Variants in TBC1D32 observed in about 807,000 individuals in gnomAD.
TBC1D32 encodes protein broad-minded.
Under a neutral mutation model 170.3 loss-of-function variants are expected in TBC1D32, and 151 were observed. That is an observed-to-expected ratio of 0.89 (90% CI 0.78 to 1.01). The LOEUF is 1.01. Among genes scored for constraint, TBC1D32 ranks in the 50% least tolerant of loss-of-function variants. The probability of loss-of-function intolerance (pLI) is 0.00; values close to 1 mark genes in which losing one functional copy is unlikely to be tolerated. For synonymous variants in TBC1D32, 498 were observed against 488.0 expected (o/e 1.02, Z -0.27); for missense variants, 1,464 against 1,457.1 (o/e 1.00, Z -0.08).
At chr6:121,150,040 C>T (rs534054454) in intron 24 of TBC1D32, among the ~76,000 whole-genome samples, 8 of 152,120 alleles carry the variant, frequency 5.3e-5, no homozygotes, top group Admixed American at 2.0e-4. Context: ...GCCAAAACTT[C>T]CAACACTATG....
intron 18 of TBC1D32, 142 bp from the exon 19 acceptor site, chr6:121,241,694 A>G: frequency 1.4e-6 from 1 of 731,764 alleles, no homozygotes; most frequent in Non-Finnish European, 2.3e-6. Context: ...AAAAGCCCAA[A>G]AGTCTAGGGA....
At chr6:121,193,980 C>A (rs369427453) in intron 22 of TBC1D32, among the ~76,000 whole-genome samples, 7 of 152,006 alleles carry the variant, frequency 4.6e-5, no homozygotes, top group African/African-American at 1.7e-4. Flanking sequence ...AAGAGACCTT[C>A]AGCTTTGTAC....
chr6:121,269,168 G>A (rs567843420), intron 15 of TBC1D32, among the ~76,000 whole-genome samples: 2 of 152,140 alleles, frequency 1.3e-5, no homozygotes, highest in Non-Finnish European at 2.9e-5. Flanking sequence ...ATGCCAACTT[G>A]TACAGACCAT....
chr6:121,318,272 T>C (rs1427745443), intron 2 of TBC1D32, among the ~76,000 whole-genome samples: 1 of 151,810 alleles, frequency 6.6e-6, no homozygotes, highest in African/African-American at 2.4e-5. Flanking sequence ...TCATTAGGAG[T>C]GTGAATTGGA....
chr6:121,293,416 G>C (rs985731719), intron 11 of TBC1D32, among the ~76,000 whole-genome samples: 1 of 152,042 alleles, frequency 6.6e-6, no homozygotes, highest in Non-Finnish European at 1.5e-5. Context: ...CATCTCCCTT[G>C]CTTTGAGTTA....
At chr6:121,261,583 C>T (rs1220378718) in intron 15 of TBC1D32, among the ~76,000 whole-genome samples, 1 of 152,158 alleles carries the variant, frequency 6.6e-6, no homozygotes, top group Non-Finnish European at 1.5e-5. Context: ...GCTACAACAA[C>T]AGCATCAACT....
intron 15 of TBC1D32, among the ~76,000 whole-genome samples, chr6:121,256,793 C>T (rs1324016778): frequency 6.6e-6 from 1 of 151,900 alleles, no homozygotes; most frequent in Non-Finnish European, 1.5e-5. Flanking sequence ...CCTCAGCCTC[C>T]TGAGTAGCTG....
intron 24 of TBC1D32, among the ~76,000 whole-genome samples, chr6:121,143,363 T>C (rs1783039669): frequency 2.0e-5 from 3 of 152,104 alleles, no homozygotes; most frequent in Admixed American, 1.3e-4. Context: ...AGAAAAACAA[T>C]TGAACCAGAT....
intron 21 of TBC1D32, among the ~76,000 whole-genome samples, chr6:121,211,297 T>C (rs1288857587): frequency 6.6e-6 from 1 of 151,968 alleles, no homozygotes; most frequent in East Asian, 1.9e-4. Context: ...GGAAAGAAAA[T>C]ATGGATTTTT....
At chr6:121,200,400 C>T (rs898395353) in intron 22 of TBC1D32, among the ~76,000 whole-genome samples, 2 of 151,250 alleles carry the variant, frequency 1.3e-5, no homozygotes, top group African/African-American at 4.9e-5. Flanking sequence ...TGTTTCCCCA[C>T]GATATTTACA....
chr6:121,162,966 G>T (rs374846698), intron 22 of TBC1D32: 1 of 96,498 alleles, frequency 1.0e-5, no homozygotes, highest in African/African-American at 3.6e-5. Context: ...GGTGACGGAC[G>T]CACCTGGAAA....
chr6:121,282,283 C>T (rs1803127674), intron 13 of TBC1D32, among the ~76,000 whole-genome samples: 1 of 151,528 alleles, frequency 6.6e-6, no homozygotes, highest in South Asian at 2.1e-4. Flanking sequence ...AAAAGTTTAA[C>T]ATGGTTGGAA....
chr6:121,330,140 C>T (rs1022958451), intron 1 of TBC1D32, among the ~76,000 whole-genome samples: 2 of 152,066 alleles, frequency 1.3e-5, no homozygotes, highest in Non-Finnish European at 2.9e-5. Flanking sequence ...CACAAGAGAT[C>T]CTCCCACCTC....
chr6:121,143,742 T>C (rs1486415789), intron 24 of TBC1D32, among the ~76,000 whole-genome samples: 1 of 152,184 alleles, frequency 6.6e-6, no homozygotes, highest in Non-Finnish European at 1.5e-5. Flanking sequence ...TTTTTTAAAG[T>C]GCACTATTAA....
chr6:121,102,988 C>T (rs974053019), intron 30 of TBC1D32, among the ~76,000 whole-genome samples: 5 of 152,138 alleles, frequency 3.3e-5, no homozygotes, highest in African/African-American at 9.7e-5. Flanking sequence ...AAAAACTGCT[C>T]ATCATCACTG....
At chr6:121,126,692 ATC>A (rs1780896376) in intron 25 of TBC1D32, among the ~76,000 whole-genome samples, 1 of 152,120 alleles carries the variant, frequency 6.6e-6, no homozygotes, top group Non-Finnish European at 1.5e-5. Flanking sequence ...AAAAAGGATC[ATC>A]TGTTTTCTTT....
chr6:121,136,732 T>C (rs1782130930), intron 24 of TBC1D32, among the ~76,000 whole-genome samples: 1 of 152,204 alleles, frequency 6.6e-6, no homozygotes, highest in African/African-American at 2.4e-5. Context: ...GGTGGCGATC[T>C]GTGTATGAAT....
intron 29 of TBC1D32, among the ~76,000 whole-genome samples, chr6:121,107,500 G>A (rs1394103966): frequency 1.3e-5 from 2 of 151,736 alleles, no homozygotes; most frequent in African/African-American, 4.8e-5. Flanking sequence ...CACAGTAAAT[G>A]GATATCTTGT....
At chr6:121,120,914 AT>A (rs1780189380) in intron 26 of TBC1D32, among the ~76,000 whole-genome samples, 1 of 151,996 alleles carries the variant, frequency 6.6e-6, no homozygotes, top group African/African-American at 2.4e-5. Flanking sequence ...TTTGCATTAG[AT>A]ATCATTATGT....
Sources: allele counts gnomAD v4.1 joint callset (sites outside exome capture counted in the v4.1 genomes callset), GRCh38; gene constraint gnomAD v4.1.1; transcripts MANE v1.5; gene names NCBI Gene and HGNC (gene_info 2026-07-23, HGNC 2026-07-21).